Variants in PLPPR1 observed in about 807,000 individuals in gnomAD.
PLPPR1 encodes the protein phospholipid phosphatase-related protein type 1.
In PLPPR1, 10 loss-of-function variants were observed where a neutral mutation model predicts 33.1. That is an observed-to-expected ratio of 0.30 (90% CI 0.19 to 0.51). The LOEUF is 0.51. PLPPR1 is among the 20% of genes least tolerant of loss of function. The pLI, the probability that PLPPR1 is intolerant of heterozygous loss-of-function variation, is 0.97. For synonymous variants in PLPPR1, 151 were observed against 151.0 expected, an observed-to-expected ratio of 1.00 and a Z score of 0.00; for missense variants, 304 against 408.1, an observed-to-expected ratio of 0.74 and a Z score of 2.20.
chr9:101,129,924 A>G (rs558257106), intron 1 of PLPPR1, among the ~76,000 whole-genome samples: 1 of 152,336 alleles, frequency 6.6e-6, no homozygotes, highest in African/African-American at 2.4e-5. Flanking sequence ...ATAGACAACA[A>G]ATAATATATA....
intron 3 of PLPPR1, among the ~76,000 whole-genome samples, chr9:101,275,135 G>A (rs547111843): frequency 3.3e-5 from 5 of 152,276 alleles, no homozygotes; most frequent in South Asian, 2.1e-4. Context: ...GAAGCGTGAC[G>A]CCTCTTGGGT....
At chr9:101,198,565 A>T (rs575816976) in intron 2 of PLPPR1, among the ~76,000 whole-genome samples, 1 of 152,178 alleles carries the variant, frequency 6.6e-6, no homozygotes, top group Admixed American at 6.6e-5. Flanking sequence ...ATCTTCACAT[A>T]CATAACATGA....
At chr9:101,078,924 G>A (rs1352936825) in intron 1 of PLPPR1, among the ~76,000 whole-genome samples, 1 of 152,068 alleles carries the variant, frequency 6.6e-6, no homozygotes, top group African/African-American at 2.4e-5. Flanking sequence ...ATTAATTAAT[G>A]TCATCCTCTA....
chr9:101,292,589 T>G (rs1322401369), intron 4 of PLPPR1, among the ~76,000 whole-genome samples: 1 of 141,998 alleles, frequency 7.0e-6, no homozygotes, highest in Non-Finnish European at 1.5e-5. Context: ...TAACAGCGGA[T>G]CTCTTGGCAG....
At chr9:101,277,050 G>A (rs1179380036) in intron 3 of PLPPR1, among the ~76,000 whole-genome samples, 1 of 152,202 alleles carries the variant, frequency 6.6e-6, no homozygotes, top group Non-Finnish European at 1.5e-5. Flanking sequence ...TTAAAGTGGA[G>A]CATGGAGACA....
chr9:101,282,525 C>T (rs1828323506), intron 3 of PLPPR1, among the ~76,000 whole-genome samples: 1 of 152,136 alleles, frequency 6.6e-6, no homozygotes, highest in South Asian at 2.1e-4. Flanking sequence ...ACTCTCACCA[C>T]TTCTATTCAA....
intron 1 of PLPPR1, among the ~76,000 whole-genome samples, chr9:101,042,669 A>T (rs1466981288): frequency 6.6e-6 from 1 of 152,226 alleles, no homozygotes; most frequent in Non-Finnish European, 1.5e-5. Context: ...GAGTTTAAGG[A>T]ATTCCTATAA....
chr9:101,321,493 A>G (rs1242495168), intron 7 of PLPPR1, among the ~76,000 whole-genome samples: 1 of 152,198 alleles, frequency 6.6e-6, no homozygotes, highest in African/African-American at 2.4e-5. Context: ...AGTTTTTCAA[A>G]GCATTATTTT....
Position 101,224,433 on chromosome 9 carries a change from T to A in PLPPR1, c.63+38876T>A, listed in dbSNP as rs142104230. On this transcript the variant is annotated intron_variant, in intron 2 of 7. Coordinates refer to ENST00000374874, the MANE Select transcript of PLPPR1 (RefSeq NM_207299.2). Reference sequence around the variant, plus strand: ...TTCTTTTCACTGAACTCAAAGTTAATGATGCTCTCGGCTGCTGTCATTGAG... The same window carrying A: ...TTCTTTTCACTGAACTCAAAGTTAAAGATGCTCTCGGCTGCTGTCATTGAG... Among the ~76,000 whole-genome samples the A allele has an allele frequency of 1.8e-3, 270 of 152,332 alleles. 2 individuals carry two copies. Among genetic ancestry groups the A allele is most frequent in the African/African-American group, 6.2e-3 (257 of 41,572 alleles).
chr9:101,100,225 T>TAA (rs564838241), intron 1 of PLPPR1, among the ~76,000 whole-genome samples: 59 of 152,188 alleles, frequency 3.9e-4, no homozygotes, highest in African/African-American at 1.4e-3. Context: ...AGGTCTGATT[T>TAA]AAAGAATGTC....
At chr9:101,218,536 A>C (rs935078871) in intron 2 of PLPPR1, among the ~76,000 whole-genome samples, 8 of 152,164 alleles carry the variant, frequency 5.3e-5, no homozygotes, top group African/African-American at 1.4e-4. Context: ...TATACTCCCT[A>C]TCTCATAAGG....
At chr9:101,225,637 T>C (rs1827048427) in intron 2 of PLPPR1, among the ~76,000 whole-genome samples, 1 of 152,198 alleles carries the variant, frequency 6.6e-6, no homozygotes, top group East Asian at 1.9e-4. Context: ...GCAGTCAGAA[T>C]GAGTTGGTTT....
At chr9:101,067,583 A>G (rs1295577972) in intron 1 of PLPPR1, among the ~76,000 whole-genome samples, 1 of 152,132 alleles carries the variant, frequency 6.6e-6, no homozygotes. Flanking sequence ...TTGAAAGAAC[A>G]GAGGAAAAGT....
intron 2 of PLPPR1, among the ~76,000 whole-genome samples, chr9:101,204,227 C>G (rs1272688621): frequency 6.6e-6 from 1 of 152,150 alleles, no homozygotes; most frequent in African/African-American, 2.4e-5. Context: ...GCAACCAGCT[C>G]AAGCCCATTG....
At chr9:101,056,787 G>T (rs889674982) in intron 1 of PLPPR1, among the ~76,000 whole-genome samples, 6 of 152,134 alleles carry the variant, frequency 3.9e-5, no homozygotes, top group Non-Finnish European at 8.8e-5. Context: ...AGCTGGAGAT[G>T]CAGATGTAGA....
rs1156299713 is a variant in PLPPR1, at chr9:101,167,199, TCACACACACACACATACA to T, written c.-45-18236_-45-18219del. Among the ~76,000 whole-genome samples the T allele has an allele frequency of 7.7e-4, 40 of 51,792 alleles. No homozygotes were observed. In the East Asian group the frequency reaches 0.015, roughly 20 times the overall value. The allele number at this position is 51,792 out of a possible 152,430, so 34.0% of individuals were successfully genotyped here. A position where few individuals can be genotyped will look rare whatever the true frequency, so the allele number is the denominator to read the frequency against. ...GTGTGTGTGTCTTTCTCTCTCTCTC[TCACACACACACACATACA>T]CACACACACACACACACTTTCTCTT... On this transcript the variant is annotated intron_variant, in intron 1 of 7. Transcript: ENST00000374874.
chr9:101,226,699 ACCATC>A (rs1370715030), intron 2 of PLPPR1, among the ~76,000 whole-genome samples: 1 of 152,012 alleles, frequency 6.6e-6, no homozygotes, highest in African/African-American at 2.4e-5. Context: ...ATCTCTTAAT[ACCATC>A]CCTTGGAGGC....
intron 1 of PLPPR1, among the ~76,000 whole-genome samples, chr9:101,043,388 C>T (rs548278503): frequency 8.0e-5 from 12 of 150,068 alleles, no homozygotes; most frequent in East Asian, 2.0e-4. Flanking sequence ...TACGTATATA[C>T]ATACACATAT....
At chr9:101,201,919 A>G (rs140576274) in intron 2 of PLPPR1, among the ~76,000 whole-genome samples, 239 of 152,314 alleles carry the variant, frequency 1.6e-3, no homozygotes, top group African/African-American at 5.5e-3. Flanking sequence ...TGGCTTCTCA[A>G]CCTAATGACA....
Sources: allele counts gnomAD v4.1 joint callset (sites outside exome capture counted in the v4.1 genomes callset), GRCh38; gene constraint gnomAD v4.1.1; transcripts MANE v1.5; gene names NCBI Gene and HGNC (gene_info 2026-07-23, HGNC 2026-07-21).